The following JAZF1 variants were observed in gnomAD, a reference collection of about 807,000 sequenced individuals.
The protein encoded by JAZF1 is juxtaposed with another zinc finger protein 1.
JAZF1 carries 8 observed loss-of-function variants against 26.4 expected under a neutral mutation model. The ratio of observed to expected loss-of-function variants is 0.30; its 90% CI spans 0.18 to 0.55. JAZF1 has a LOEUF of 0.55. JAZF1 is among the 20% of genes least tolerant of loss of function. The probability of loss-of-function intolerance (pLI) is 0.94; values close to 1 mark genes in which losing one functional copy is unlikely to be tolerated. For missense variants in JAZF1, 199 were observed against 322.0 expected, an observed-to-expected ratio of 0.62 and a Z score of 2.92; for synonymous variants, 126 against 122.3, an observed-to-expected ratio of 1.03 and a Z score of -0.20.
intron 1 of JAZF1, among the ~76,000 whole-genome samples, chr7:28,047,514 G>A (rs908336774): frequency 5.9e-5 from 9 of 151,882 alleles, no homozygotes; most frequent in Non-Finnish European, 7.4e-5. Context: ...AATTTCTATC[G>A]TTTATCTCAT....
chr7:28,058,095 T>C (rs1783741274), intron 1 of JAZF1, among the ~76,000 whole-genome samples: 1 of 152,152 alleles, frequency 6.6e-6, no homozygotes, highest in Non-Finnish European at 1.5e-5. Flanking sequence ...AATTAGACTT[T>C]GCCAGTGTGT....
chr7:27,948,290 A>G (rs542474696), intron 2 of JAZF1, among the ~76,000 whole-genome samples: 1 of 152,304 alleles, frequency 6.6e-6, no homozygotes, highest in Admixed American at 6.5e-5. Context: ...ACGGTGCTCC[A>G]GCTTATCATT....
At chr7:27,977,212 C>T (rs1785487960) in intron 2 of JAZF1, among the ~76,000 whole-genome samples, 1 of 152,108 alleles carries the variant, frequency 6.6e-6, no homozygotes, top group Non-Finnish European at 1.5e-5. Context: ...ATATCTGATC[C>T]ATTCCTATGA....
At chr7:27,923,048 A>G (rs1352476895) in intron 2 of JAZF1, among the ~76,000 whole-genome samples, 1 of 152,252 alleles carries the variant, frequency 6.6e-6, no homozygotes, top group African/African-American at 2.4e-5. Context: ...TGGAGGCAAG[A>G]ACCCAGGCTG....
chr7:28,007,894 T>C (rs539166823), intron 1 of JAZF1, among the ~76,000 whole-genome samples: 2 of 151,814 alleles, frequency 1.3e-5, no homozygotes, highest in African/African-American at 4.8e-5. Flanking sequence ...CTAGAGTTCT[T>C]TTTTTTCCTC....
At chr7:27,862,752 TC>T (rs1281469443) in intron 3 of JAZF1, among the ~76,000 whole-genome samples, 3 of 152,334 alleles carry the variant, frequency 2.0e-5, no homozygotes, top group South Asian at 2.1e-4. Flanking sequence ...CTCACCTCTA[TC>T]TTTATCTTTG....
chr7:28,050,098 C>T (rs886421966), intron 1 of JAZF1, among the ~76,000 whole-genome samples: 2 of 151,980 alleles, frequency 1.3e-5, no homozygotes, highest in African/African-American at 4.8e-5. Flanking sequence ...ACAGATAGTC[C>T]TGTCACTCAG....
intron 2 of JAZF1, among the ~76,000 whole-genome samples, chr7:27,964,136 C>G (rs997178975): frequency 6.6e-6 from 1 of 152,098 alleles, no homozygotes; most frequent in Admixed American, 6.6e-5. Context: ...ATCCAAAACA[C>G]ACAAAAATTG....
chr7:27,893,436 C>T (rs754691994), intron 3 of JAZF1, among the ~76,000 whole-genome samples: 6 of 152,190 alleles, frequency 3.9e-5, no homozygotes, highest in African/African-American at 7.2e-5. Context: ...CCCTAGTCCC[C>T]GCCTACCTCC....
chr7:28,114,942 G>A (rs1784718973), intron 1 of JAZF1, among the ~76,000 whole-genome samples: 1 of 152,148 alleles, frequency 6.6e-6, no homozygotes, highest in Admixed American at 6.6e-5. Context: ...AATTTATCAA[G>A]AGGCCTGCAG....
chr7:27,837,986 A>T (rs1032206463), intron 4 of JAZF1, among the ~76,000 whole-genome samples: 4 of 150,738 alleles, frequency 2.7e-5, no homozygotes, highest in Admixed American at 2.6e-4. Flanking sequence ...ACAAGCTAAT[A>T]CACTAACAGG....
intron 3 of JAZF1, among the ~76,000 whole-genome samples, chr7:27,845,954 G>A (rs1783022984): frequency 6.6e-6 from 1 of 151,830 alleles, no homozygotes; most frequent in African/African-American, 2.4e-5. Flanking sequence ...AAGGGACAAG[G>A]TGCTAAAAAA....
chr7:28,071,410 A>C (rs1275434826), intron 1 of JAZF1, among the ~76,000 whole-genome samples: 2 of 152,226 alleles, frequency 1.3e-5, no homozygotes, highest in Non-Finnish European at 2.9e-5. Context: ...AAATTCTGAA[A>C]ACCCTGCCTC....
At chr7:27,971,988 A>G (rs535543753) in intron 2 of JAZF1, among the ~76,000 whole-genome samples, 1 of 152,326 alleles carries the variant, frequency 6.6e-6, no homozygotes, top group South Asian at 2.1e-4. Context: ...TTATTGAGCT[A>G]CTACTGTGTA....
rs572977408 is a variant in JAZF1 at position 28,051,705 on chromosome 7, T to A, written c.116-59724A>T. Among the ~76,000 whole-genome samples, 37 of 152,090 alleles carry A rather than the reference T, an allele frequency of 2.4e-4. No homozygotes were observed. The South Asian group carries it at 2.7e-3, about 11-fold the overall frequency. On this transcript the variant is annotated intron_variant, in intron 1 of 4. Transcript: ENST00000283928. Reference sequence around the variant, plus strand: ...TCCCCACTAAAAAAATGTCCTGGGGTTCATATGCAAACTCCCTACAAAGGT... The same window carrying A: ...TCCCCACTAAAAAAATGTCCTGGGGATCATATGCAAACTCCCTACAAAGGT...
At chr7:27,967,251 A>G (rs1030207634) in intron 2 of JAZF1, among the ~76,000 whole-genome samples, 1 of 152,048 alleles carries the variant, frequency 6.6e-6, no homozygotes, top group Non-Finnish European at 1.5e-5. Context: ...CACCTGACAG[A>G]GCTTTGGAGT....
At chr7:27,918,372 A>G in intron 2 of JAZF1, among the ~76,000 whole-genome samples, 1 of 152,176 alleles carries the variant, frequency 6.6e-6, no homozygotes, top group South Asian at 2.1e-4. Context: ...TGTGAACAAC[A>G]ATTGCAACTC....
chr7:27,961,062 G>A (rs542579143), intron 2 of JAZF1, among the ~76,000 whole-genome samples: 1 of 152,336 alleles, frequency 6.6e-6, no homozygotes, highest in African/African-American at 2.4e-5. Flanking sequence ...GAACTTCTAT[G>A]AGAAACCAGG....
intron 2 of JAZF1, among the ~76,000 whole-genome samples, chr7:27,974,773 C>A (rs886480297): frequency 6.6e-6 from 1 of 152,082 alleles, no homozygotes; most frequent in Non-Finnish European, 1.5e-5. Flanking sequence ...TGAAGGAATA[C>A]CTGAGACTGG....
Sources: allele counts gnomAD v4.1 joint callset (sites outside exome capture counted in the v4.1 genomes callset), GRCh38; gene constraint gnomAD v4.1.1; transcripts MANE v1.5; gene names NCBI Gene and HGNC (gene_info 2026-07-23, HGNC 2026-07-21).